KCNC2: variants seen among roughly 807,000 people sequenced by gnomAD.
KCNC2 encodes the protein potassium voltage-gated channel subfamily C member 2.
Under a neutral mutation model 44.5 loss-of-function variants are expected in KCNC2, and 21 were observed. That is an observed-to-expected ratio of 0.47 (90% confidence interval 0.33 to 0.68). KCNC2 has a LOEUF of 0.68. KCNC2 is among the 30% of genes least tolerant of loss of function. The pLI, the probability that KCNC2 is intolerant of heterozygous loss-of-function variation, is 0.01. For synonymous variants in KCNC2, 391 were observed against 339.1 expected (o/e 1.15, Z -1.68); for missense variants, 589 against 826.2 (o/e 0.71, Z 3.52).
chr12:75,055,911 C>T (rs1420311194), intron 2 of KCNC2, among the ~76,000 whole-genome samples: 1 of 151,974 alleles, frequency 6.6e-6, no homozygotes, highest in Non-Finnish European at 1.5e-5. Flanking sequence ...TTTTCTCTTT[C>T]TTGTTATCAT....
At chr12:75,080,651 G>A (rs1884413861) in intron 2 of KCNC2, among the ~76,000 whole-genome samples, 2 of 152,050 alleles carry the variant, frequency 1.3e-5, no homozygotes, top group Non-Finnish European at 2.9e-5. Flanking sequence ...GTCCTTCAGG[G>A]ATTAACTCAA....
intron 2 of KCNC2, among the ~76,000 whole-genome samples, chr12:75,081,253 A>T (rs1884475716): frequency 6.6e-6 from 1 of 152,084 alleles, no homozygotes; most frequent in Non-Finnish European, 1.5e-5. Context: ...GCTCTGGCAC[A>T]TCAAAAAATT....
At chr12:75,086,681 A>AATATATAT (rs398044519) in intron 2 of KCNC2, among the ~76,000 whole-genome samples, 44 of 54,180 alleles carry the variant, frequency 8.1e-4, no homozygotes, top group South Asian at 4.3e-3. Flanking sequence ...AAAAAAAAAA[A>AATATATAT]ATATATATAT....
intron 2 of KCNC2, among the ~76,000 whole-genome samples, chr12:75,058,440 A>G (rs1321593359): frequency 2.6e-5 from 4 of 152,030 alleles, no homozygotes; most frequent in African/African-American, 9.7e-5. Flanking sequence ...ATTAAGCCTT[A>G]TCTGCTATGA....
rs78437497 is a variant in KCNC2, at chr12:75,195,192, G to T, written c.687+12105C>A. On this transcript the variant is annotated intron_variant, in intron 2 of 4. Transcript: ENST00000549446. ...TTAAATAAAGTAGTAGCAATATAAAGCCTGTATTTCTTGTACAGAGGATTG... is the reference window on the plus strand; with the variant it reads ...TTAAATAAAGTAGTAGCAATATAAATCCTGTATTTCTTGTACAGAGGATTG... 3.7e-3 allele frequency among the ~76,000 whole-genome samples: 568 copies of T among 152,148 alleles called. 1 individual carries two copies. Among genetic ancestry groups the T allele is most frequent in the African/African-American group, 0.013 (534 of 41,524 alleles).
chr12:75,091,463 A>G (rs1478128707), intron 2 of KCNC2, among the ~76,000 whole-genome samples: 1 of 151,686 alleles, frequency 6.6e-6, no homozygotes, highest in African/African-American at 2.4e-5. Context: ...TTCTTCGTAC[A>G]TAGTTCTGTT....
At chr12:75,173,630 A>G (rs997673337) in intron 2 of KCNC2, among the ~76,000 whole-genome samples, 1 of 151,938 alleles carries the variant, frequency 6.6e-6, no homozygotes, top group Admixed American at 6.6e-5. Flanking sequence ...CTGTATAATT[A>G]CATGTCCTTT....
chr12:75,201,275 A>C (rs1211261896), intron 2 of KCNC2, among the ~76,000 whole-genome samples: 10 of 110,212 alleles, frequency 9.1e-5, no homozygotes, highest in Non-Finnish European at 5.7e-5. Context: ...AAAAAAAAAA[A>C]AAAAAAAAAA....
chr12:75,169,257 C>T (rs1057451917), intron 2 of KCNC2, among the ~76,000 whole-genome samples: 4 of 151,486 alleles, frequency 2.6e-5, no homozygotes, highest in Admixed American at 2.0e-4. Context: ...GTACCTGGCA[C>T]ATAATGAGCA....
Position 75,207,366 on chromosome 12 carries a change from G to A in KCNC2, c.618C>T (p.Gly206=). 3.2e-6 allele frequency: 5 copies of A among 1,577,706 alleles called. No homozygotes were observed. Among genetic ancestry groups the A allele is most frequent in the Non-Finnish European group, 4.3e-6 (5 of 1,163,206 alleles). ...AGLGGPDGKS[G]RWRRLQPRMW... ...TGCGGGGCTGCAGCCTCCTCCAGCG[G>A]CCAGATTTGCCGTCGGGGCCCCCGA... The change falls in exon 2 of 5, where the codon GGC becomes GGT. Residue 206 remains glycine (G), a synonymous_variant. Transcript: ENST00000549446. This position sits in a 1 kb window ranked among gnomAD's most constrained non-coding sequence, Gnocchi z 4.1.
intron 2 of KCNC2, among the ~76,000 whole-genome samples, chr12:75,052,760 G>A (rs548380377): frequency 1.3e-5 from 2 of 152,166 alleles, no homozygotes; most frequent in East Asian, 1.9e-4. Context: ...CCACCAAAAT[G>A]TAAAGGGTAT....
intron 2 of KCNC2, among the ~76,000 whole-genome samples, chr12:75,160,683 A>G (rs1318413553): frequency 6.6e-6 from 1 of 151,826 alleles, no homozygotes; most frequent in Non-Finnish European, 1.5e-5. Flanking sequence ...TCTGGTAACA[A>G]TGTTGTGGAT....
chr12:75,134,604 T>G (rs1889097913), intron 2 of KCNC2, among the ~76,000 whole-genome samples: 1 of 151,890 alleles, frequency 6.6e-6, no homozygotes, highest in Non-Finnish European at 1.5e-5. Context: ...GAAGTTATTA[T>G]TCTCCTTTCA....
intron 1 of KCNC2, among the ~76,000 whole-genome samples, chr12:75,208,344 C>T (rs2031878081): frequency 1.3e-5 from 2 of 152,058 alleles, no homozygotes; most frequent in South Asian, 4.2e-4. Flanking sequence ...CCACTCAAGT[C>T]CAACCTGCTC....
chr12:75,165,371 C>T (rs1891378556), intron 2 of KCNC2, among the ~76,000 whole-genome samples: 1 of 151,352 alleles, frequency 6.6e-6, no homozygotes, highest in Non-Finnish European at 1.5e-5. Flanking sequence ...CTTACTAATC[C>T]AAAACATTCT....
At chr12:75,110,421 C>T (rs1667803925) in intron 2 of KCNC2, among the ~76,000 whole-genome samples, 1 of 152,034 alleles carries the variant, frequency 6.6e-6, no homozygotes, top group Admixed American at 6.6e-5. Flanking sequence ...AGAACCCATC[C>T]CCAGATGAGA....
intron 2 of KCNC2, among the ~76,000 whole-genome samples, chr12:75,107,976 G>T (rs1321546253): frequency 6.6e-6 from 1 of 152,084 alleles, no homozygotes. Context: ...GAAAAGGAAA[G>T]AAAACAAGTA....
intron 4 of KCNC2, among the ~76,000 whole-genome samples, chr12:75,045,333 T>A (rs747213958): frequency 2.3e-4 from 35 of 152,008 alleles, no homozygotes; most frequent in Non-Finnish European, 3.8e-4. Context: ...AAATGTTATC[T>A]TTCTGAATTA....
Position 75,207,494 on chromosome 12 carries a change from C to A in KCNC2, c.490G>T (p.Glu164Ter). 1 of 1,612,586 alleles carries A rather than the reference C, an allele frequency of 6.2e-7. No homozygotes were observed. Among genetic ancestry groups the A allele is most frequent in the Non-Finnish European group, 8.5e-7 (1 of 1,179,846 alleles). The stretch of plus-strand genomic sequence containing the variant: ...GGGGTCTCGAAGATGTCCAGCGCCT[C>A]CTCGGCGTCGCGGTGCTGCCGGTAG... ...MTYRQHRDAE[E>*]ALDIFETPDL... Residue 164 changes from glutamate (E) to a stop codon, truncating the protein, a stop_gained, in exon 2 of 5, where the codon GAG becomes TAG. Coordinates refer to ENST00000549446, the MANE Select transcript of KCNC2 (RefSeq NM_139137.4). LOFTEE classifies it high-confidence loss of function. This position sits in a 1 kb window ranked among gnomAD's most constrained non-coding sequence, Gnocchi z 4.1.
Sources: gnomAD v4.1 joint callset for allele counts (sites outside exome capture counted in the v4.1 genomes callset) on GRCh38, gnomAD v4.1.1 for gene constraint, Gnocchi (gnomAD v3.1) non-coding constraint, MANE v1.5 for transcripts, NCBI Gene and HGNC (gene_info 2026-07-23, HGNC 2026-07-21) for gene names.